The following PLXNA4 variants were observed in gnomAD, a reference collection of about 807,000 sequenced individuals.
PLXNA4 encodes the protein plexin-A4.
Under a neutral mutation model 191.8 loss-of-function variants are expected in PLXNA4, and 44 were observed. The ratio of observed to expected loss-of-function variants is 0.23; its 90% CI spans 0.18 to 0.29. The LOEUF is 0.29. PLXNA4 is among the 10% of genes least tolerant of loss of function. The pLI is 1.00. For synonymous variants in PLXNA4, 1,082 were observed against 1,009.5 expected (o/e 1.07, Z -1.36); for missense variants, 1,800 against 2,488.8 (o/e 0.72, Z 5.89).
At chr7:132,273,797 C>T (rs1262912817) in intron 4 of PLXNA4, among the ~76,000 whole-genome samples, 1 of 152,190 alleles carries the variant, frequency 6.6e-6, no homozygotes, top group Non-Finnish European at 1.5e-5. Flanking sequence ...CAGCCTCCAG[C>T]TTTTAAAGTA....
chr7:132,323,336 A>C (rs1297185066), intron 3 of PLXNA4, among the ~76,000 whole-genome samples: 1 of 152,254 alleles, frequency 6.6e-6, no homozygotes, highest in Non-Finnish European at 1.5e-5. Flanking sequence ...ATGAGGCTAC[A>C]CAGTCCATTA....
At chr7:132,445,157 G>GAA (rs71529762) in intron 3 of PLXNA4, among the ~76,000 whole-genome samples, 3,348 of 53,712 alleles carry the variant, frequency 0.062, 319 homozygotes, top group East Asian at 0.085. Context: ...TCCATCTCAG[G>GAA]AAAAAAAAAA....
chr7:132,256,897 G>T (rs1440930149), intron 4 of PLXNA4, among the ~76,000 whole-genome samples: 1 of 152,192 alleles, frequency 6.6e-6, no homozygotes, highest in Non-Finnish European at 1.5e-5. Context: ...GGGTGGGGGT[G>T]AGCATAGAGA....
intron 3 of PLXNA4, among the ~76,000 whole-genome samples, chr7:132,385,938 G>A (rs1362013612): frequency 6.6e-6 from 1 of 152,214 alleles, no homozygotes; most frequent in African/African-American, 2.4e-5. Context: ...CGCTGAAGTG[G>A]CTAATTTCCG....
At chr7:132,158,145 T>C (rs1014123174) in intron 25 of PLXNA4, among the ~76,000 whole-genome samples, 1 of 152,178 alleles carries the variant, frequency 6.6e-6, no homozygotes, top group African/African-American at 2.4e-5. Flanking sequence ...CCAAACACCT[T>C]CAGCCAAGAG....
chr7:132,195,983 C>G (rs1312914421), intron 13 of PLXNA4, among the ~76,000 whole-genome samples: 9 of 152,204 alleles, frequency 5.9e-5, no homozygotes. Context: ...CAAATAATAA[C>G]TTTCTATCCA....
At chr7:132,382,525 C>T (rs1273537445) in intron 3 of PLXNA4, among the ~76,000 whole-genome samples, 1 of 152,154 alleles carries the variant, frequency 6.6e-6, no homozygotes, top group African/African-American at 2.4e-5. Flanking sequence ...CTCCACCAGC[C>T]TTTCACCCTA....
At chr7:132,137,935 C>A (rs896447051) in intron 30 of PLXNA4, among the ~76,000 whole-genome samples, 1 of 143,992 alleles carries the variant, frequency 6.9e-6, no homozygotes. Context: ...GAAGGATGGG[C>A]GCAAAGATGG....
intron 2 of PLXNA4, among the ~76,000 whole-genome samples, chr7:132,503,528 C>A (rs957290028): frequency 6.6e-6 from 1 of 152,138 alleles, no homozygotes; most frequent in Non-Finnish European, 1.5e-5. Flanking sequence ...GGACAGACAG[C>A]CATCACCTTC....
intron 2 of PLXNA4, among the ~76,000 whole-genome samples, chr7:132,607,860 C>T (rs979918869): frequency 1.3e-5 from 2 of 150,944 alleles, no homozygotes; most frequent in Non-Finnish European, 3.0e-5. Flanking sequence ...CCATCACTCC[C>T]ATCATCCTCA....
chr7:132,297,356 T>C (rs543051283), intron 4 of PLXNA4, among the ~76,000 whole-genome samples: 1 of 152,172 alleles, frequency 6.6e-6, no homozygotes, highest in East Asian at 1.9e-4. Context: ...CTCCAGGAAA[T>C]ACCCTTAAAT....
At chr7:132,323,752 T>A (rs17818452) in intron 3 of PLXNA4, among the ~76,000 whole-genome samples, 5,489 of 152,230 alleles carry the variant, frequency 0.036, 154 homozygotes, top group Middle Eastern at 0.071. Context: ...ACCTGTGATA[T>A]AATATACAGA....
chr7:132,140,955 C>T, intron 29 of PLXNA4, 144 bp from the exon 30 acceptor site: 1 of 1,410,856 alleles, frequency 7.1e-7, no homozygotes, highest in Non-Finnish European at 9.4e-7. Flanking sequence ...TGGGATGTGC[C>T]AGGGAAGGGA....
At chr7:132,156,478 C>T (rs1289928888) in intron 25 of PLXNA4, among the ~76,000 whole-genome samples, 1 of 152,164 alleles carries the variant, frequency 6.6e-6, no homozygotes. Flanking sequence ...AATGTCTTTG[C>T]TTCTTGCGGA....
chr7:132,328,138 C>T (rs927522078), intron 3 of PLXNA4, among the ~76,000 whole-genome samples: 5 of 152,114 alleles, frequency 3.3e-5, no homozygotes, highest in Non-Finnish European at 7.4e-5. Context: ...TGAGTTTCCA[C>T]GTTAAGTGAA....
At chr7:132,349,149 A>AT (rs145607340) in intron 3 of PLXNA4, among the ~76,000 whole-genome samples, 7 of 152,132 alleles carry the variant, frequency 4.6e-5, no homozygotes, top group South Asian at 2.1e-4. Flanking sequence ...TTCTTGAAAG[A>AT]TTTTTTTTAA....
intron 3 of PLXNA4, among the ~76,000 whole-genome samples, chr7:132,385,522 T>A (rs1238335203): frequency 1.3e-5 from 2 of 152,220 alleles, no homozygotes; most frequent in Non-Finnish European, 2.9e-5. Flanking sequence ...ACTTTACTTT[T>A]GTTCCCTGGC....
intron 1 of PLXNA4, among the ~76,000 whole-genome samples, chr7:132,545,893 C>T (rs1163975890): frequency 1.3e-5 from 2 of 152,182 alleles, no homozygotes; most frequent in Non-Finnish European, 2.9e-5. Context: ...TGTATTCCTG[C>T]TGACTGATAG....
intron 3 of PLXNA4, chr7:132,484,757 C>T (rs1358795317): frequency 1.9e-6 from 3 of 1,603,048 alleles, no homozygotes; most frequent in East Asian, 4.5e-5. Flanking sequence ...ATCTGCAGGG[C>T]TTTCTGTGCT....
Sources: allele counts gnomAD v4.1 joint callset (sites outside exome capture counted in the v4.1 genomes callset), GRCh38; gene constraint gnomAD v4.1.1; transcripts MANE v1.5; gene names NCBI Gene and HGNC (gene_info 2026-07-23, HGNC 2026-07-21).